LUZP2: variants seen among roughly 807,000 people sequenced by gnomAD.
LUZP2 encodes leucine zipper protein 2.
A neutral mutation model predicts 51.6 loss-of-function variants in LUZP2; 52 were observed. The ratio of observed to expected loss-of-function variants is 1.01; its 90% CI spans 0.81 to 1.27. The LOEUF (loss-of-function observed/expected upper bound fraction) is 1.27. Among genes scored for constraint, LUZP2 ranks in the 50% most tolerant of loss-of-function variants. LUZP2 has a pLI of 0.00. For missense variants in LUZP2, 436 were observed against 395.4 expected, an observed-to-expected ratio of 1.10 and a Z score of -0.87; for synonymous variants, 154 against 137.3, an observed-to-expected ratio of 1.12 and a Z score of -0.85.
At chr11:25,018,037 G>GTTTTTTTTTTTTTTT (rs1410360304) in intron 9 of LUZP2, among the ~76,000 whole-genome samples, 1 of 131,096 alleles carries the variant, frequency 7.6e-6, no homozygotes, top group Non-Finnish European at 1.6e-5. Context: ...TTTTGTTTCT[G>GTTTTTTTTTTTTTTT]TTTTTTTTTT....
At chr11:24,872,324 A>G (rs1852104811) in intron 5 of LUZP2, among the ~76,000 whole-genome samples, 1 of 152,054 alleles carries the variant, frequency 6.6e-6, no homozygotes, top group Non-Finnish European at 1.5e-5. Context: ...GTTTGCTACT[A>G]ATTATGGGTA....
intron 1 of LUZP2, among the ~76,000 whole-genome samples, chr11:24,679,636 TATC>T (rs1473285637): frequency 6.6e-6 from 1 of 152,188 alleles, no homozygotes; most frequent in Non-Finnish European, 1.5e-5. Flanking sequence ...TTTCCAATAT[TATC>T]ATTCTCATTC....
At chr11:25,067,052 A>T (rs1233696707) in intron 10 of LUZP2, among the ~76,000 whole-genome samples, 1 of 152,040 alleles carries the variant, frequency 6.6e-6, no homozygotes, top group African/African-American at 2.4e-5. Flanking sequence ...AAGGTTTATT[A>T]TCCCTTGGGT....
intron 1 of LUZP2, among the ~76,000 whole-genome samples, chr11:24,720,696 T>C (rs1590397341): frequency 6.6e-6 from 1 of 152,054 alleles, no homozygotes; most frequent in Non-Finnish European, 1.5e-5. Flanking sequence ...TTCTTTTGTT[T>C]GTTTGTTTTG....
At chr11:24,773,192 T>C (rs1434143717) in intron 5 of LUZP2, among the ~76,000 whole-genome samples, 1 of 151,548 alleles carries the variant, frequency 6.6e-6, no homozygotes, top group Non-Finnish European at 1.5e-5. Flanking sequence ...TTTATCTGTA[T>C]ATTTATTTCT....
At chr11:25,043,231 C>G (rs1049533038) in intron 9 of LUZP2, among the ~76,000 whole-genome samples, 7 of 152,144 alleles carry the variant, frequency 4.6e-5, no homozygotes, top group African/African-American at 1.7e-4. Context: ...GGGTAATCTA[C>G]TCATCTGAAT....
At position 24,941,199 on chromosome 11, in the gene LUZP2, T is replaced by G. The variant is rs1169133870; in HGVS notation, c.522+26661T>G. 4.6e-5 allele frequency among the ~76,000 whole-genome samples: 7 copies of G among 152,296 alleles called. No individual in the cohort carries two copies. In the East Asian group the frequency reaches 1.4e-3, roughly 29 times the overall value. On this transcript the variant is annotated intron_variant, in intron 7 of 11. Transcript: ENST00000336930. ...GGTTTTGGCTATCAATGCTTTATGC[T>G]TCGTAACTGTAACAAACTTTAACTC...
rs569332861 is a variant in LUZP2 at position 24,562,735 on chromosome 11, G to T, written c.62+65430G>T. On this transcript the variant is annotated intron_variant, in intron 1 of 11. Coordinates refer to ENST00000336930, the MANE Select transcript of LUZP2 (RefSeq NM_001009909.4). ...AAATTACCTGGGCGTGGTGGTGGGC[G>T]CCTGTAGTCCTAGCTACTTGGGAGG... Among the ~76,000 whole-genome samples the T allele has an allele frequency of 1.4e-3, 207 of 151,278 alleles. 1 individual carries two copies. Among genetic ancestry groups the T allele is most frequent in the African/African-American group, 4.4e-3 (180 of 41,274 alleles).
chr11:24,962,414 G>T (rs1413621890), intron 7 of LUZP2, among the ~76,000 whole-genome samples: 2 of 152,314 alleles, frequency 1.3e-5, no homozygotes, highest in East Asian at 3.9e-4. Context: ...ATCAGACGTA[G>T]ATTTGGTTTT....
chr11:24,829,515 A>T (rs1850637504), intron 5 of LUZP2, among the ~76,000 whole-genome samples: 2 of 152,190 alleles, frequency 1.3e-5, no homozygotes, highest in African/African-American at 4.8e-5. Flanking sequence ...AATATATGTG[A>T]TTATATATGT....
chr11:24,929,841 T>C (rs984037080), intron 7 of LUZP2, among the ~76,000 whole-genome samples: 1 of 152,134 alleles, frequency 6.6e-6, no homozygotes. Flanking sequence ...ACTATTATTG[T>C]CGTGCTGTCT....
At chr11:24,505,355 C>G (rs1850116157) in intron 1 of LUZP2, among the ~76,000 whole-genome samples, 1 of 151,992 alleles carries the variant, frequency 6.6e-6, no homozygotes, top group Non-Finnish European at 1.5e-5. Context: ...CCAAAAGAAT[C>G]CAAGCTCAAA....
intron 7 of LUZP2, among the ~76,000 whole-genome samples, chr11:24,944,574 G>A (rs1212929771): frequency 1.3e-5 from 2 of 152,146 alleles, no homozygotes; most frequent in Admixed American, 6.6e-5. Flanking sequence ...GGTGTTTGGG[G>A]ACATAGTGTT....
chr11:24,762,082 A>T (rs1860001571), intron 4 of LUZP2, among the ~76,000 whole-genome samples: 2 of 36,766 alleles, frequency 5.4e-5, no homozygotes, highest in Non-Finnish European at 9.7e-5. Context: ...GTTAGCCCAC[A>T]GGCATTTTAC....
Position 24,523,377 on chromosome 11 carries a change from C to A in LUZP2, c.62+26072C>A, listed in dbSNP as rs532164973. Reference sequence around the variant, plus strand: ...AAGAAAAATCCTCTACTCAATTATACCTTTAACATTTTTGGTAAATTCTTT... The same window carrying A: ...AAGAAAAATCCTCTACTCAATTATAACTTTAACATTTTTGGTAAATTCTTT... On this transcript the variant is annotated intron_variant, in intron 1 of 11. Transcript: ENST00000336930. Among the ~76,000 whole-genome samples, 308 of 151,590 alleles carry A rather than the reference C, an allele frequency of 2.0e-3. 1 individual carries two copies. Among genetic ancestry groups the A allele is most frequent in the South Asian group, 1.5e-3 (7 of 4,804 alleles).
chr11:24,635,410 A>C (rs1855058731), intron 1 of LUZP2, among the ~76,000 whole-genome samples: 1 of 81,854 alleles, frequency 1.2e-5, no homozygotes. Context: ...TTAAACCTCA[A>C]ATCAGAAAAG....
chr11:24,800,170 C>T (rs1452927845), intron 5 of LUZP2, among the ~76,000 whole-genome samples: 1 of 152,034 alleles, frequency 6.6e-6, no homozygotes, highest in Non-Finnish European at 1.5e-5. Context: ...TTTCACTTTC[C>T]TTATCCTACA....
At chr11:24,637,807 G>A (rs901937663) in intron 1 of LUZP2, among the ~76,000 whole-genome samples, 1 of 151,846 alleles carries the variant, frequency 6.6e-6, no homozygotes, top group African/African-American at 2.4e-5. Context: ...TGCACAGAGG[G>A]ACACAGACCC....
At chr11:24,498,920 A>G (rs1487685047) in intron 1 of LUZP2, among the ~76,000 whole-genome samples, 1 of 152,180 alleles carries the variant, frequency 6.6e-6, no homozygotes, top group African/African-American at 2.4e-5. Flanking sequence ...CCAAAAGTAC[A>G]TTTGCTTTTT....
Sources: gnomAD v4.1 joint callset for allele counts (sites outside exome capture counted in the v4.1 genomes callset) on GRCh38, gnomAD v4.1.1 for gene constraint, MANE v1.5 for transcripts, NCBI Gene and HGNC (gene_info 2026-07-23, HGNC 2026-07-21) for gene names.